Variants in COL4A4 observed in about 807,000 individuals in gnomAD.
The protein encoded by COL4A4 is collagen alpha-4(IV) chain.
Under a neutral mutation model 192.9 loss-of-function variants are expected in COL4A4, and 105 were observed. The observed-to-expected ratio is 0.54, with a 90% CI of 0.46 to 0.64. COL4A4 has a LOEUF of 0.64. Among genes scored for constraint, COL4A4 ranks in the 30% least tolerant of loss-of-function variants. COL4A4 has a pLI of 0.00. For missense variants in COL4A4, 1,967 were observed against 2,169.3 expected, an observed-to-expected ratio of 0.91 and a Z score of 1.85; for synonymous variants, 762 against 769.9, an observed-to-expected ratio of 0.99 and a Z score of 0.17.
chr2:227,013,777 A>G (rs985228727), intron 44 of COL4A4, among the ~76,000 whole-genome samples: 7 of 152,138 alleles, frequency 4.6e-5, no homozygotes, highest in African/African-American at 1.7e-4. Context: ...AGTGGCTTTC[A>G]CTGTTGCTTC....
intron 13 of COL4A4, among the ~76,000 whole-genome samples, 165 bp from the exon 14 acceptor site, chr2:227,103,362 A>G (rs2060633813): frequency 6.6e-6 from 1 of 152,196 alleles, no homozygotes; most frequent in African/African-American, 2.4e-5. Context: ...TAAACCAGAT[A>G]CTATTTGAGC....
In COL4A4 at chr2:227,123,479, G is replaced by A. The variant is rs905230662; in HGVS notation, c.193-2331C>T. On this transcript the variant is annotated intron_variant, in intron 4 of 47. Transcript: ENST00000396625. The surrounding 1 kb of genome is among the most constrained non-coding windows in gnomAD (Gnocchi z 4.6). Reference sequence around the variant, plus strand: ...GAGGTGCAGGTCAGGAACAGAGCGCGACCCACGGAAGTGAAGGCAGCCAAG... The same window carrying A: ...GAGGTGCAGGTCAGGAACAGAGCGCAACCCACGGAAGTGAAGGCAGCCAAG... 1.3e-5 allele frequency among the ~76,000 whole-genome samples: 2 copies of A among 152,168 alleles called. No homozygotes were observed. Among genetic ancestry groups the A allele is most frequent in the Non-Finnish European group, 2.9e-5 (2 of 68,038 alleles).
chr2:227,073,909 T>A (rs2058867441), intron 25 of COL4A4, among the ~76,000 whole-genome samples: 1 of 152,032 alleles, frequency 6.6e-6, no homozygotes, highest in Non-Finnish European at 1.5e-5. Flanking sequence ...TGAAGATGGT[T>A]CAAAGACTTA....
intron 37 of COL4A4, among the ~76,000 whole-genome samples, chr2:227,041,777 AGGAAGGAAGG>A (rs1971030349): frequency 3.1e-5 from 3 of 96,582 alleles, no homozygotes; most frequent in Non-Finnish European, 4.4e-5. Context: ...GAAGGAAGGA[AGGAAGGAAGG>A]GAAAGAAAGA....
At chr2:226,970,390 G>A in the COL4A4 span, among the ~76,000 whole-genome samples, 39 of 152,182 alleles carry the variant, frequency 2.6e-4, no homozygotes, top group African/African-American at 8.2e-4. Flanking sequence ...ACTAAAATAA[G>A]CTTTTTTCCC....
chr2:227,158,357 G>T (rs73088264), intron 1 of COL4A4, among the ~76,000 whole-genome samples: 266 of 152,186 alleles, frequency 1.7e-3, no homozygotes, highest in African/African-American at 5.9e-3. Context: ...GATCATTGAG[G>T]TAAAAGTAAC....
chr2:227,108,993 G>C, intron 10 of COL4A4, 125 bp from the exon 11 acceptor site: 4 of 1,034,626 alleles, frequency 3.9e-6, no homozygotes, highest in Non-Finnish European at 6.1e-6. Flanking sequence ...TGCAGTGATG[G>C]AGTTTCTATC....
At chr2:226,998,517 T>A (rs1005569781), downstream of COL4A4, 2 of 152,162 alleles carry the variant, frequency 1.3e-5, no homozygotes, top group Non-Finnish European at 2.9e-5. Context: ...AGTCAAAAAA[T>A]ATATATATAA....
intron 19 of COL4A4, among the ~76,000 whole-genome samples, chr2:227,095,874 G>C (rs923407349): frequency 3.1e-4 from 47 of 152,114 alleles, no homozygotes; most frequent in African/African-American, 1.1e-3. Flanking sequence ...TTGCACTCTA[G>C]CCTAGGCAAC....
intron 7 of COL4A4, 69 bp downstream of exon 7, chr2:227,118,576 A>T: frequency 8.5e-7 from 1 of 1,180,740 alleles, no homozygotes; most frequent in South Asian, 1.2e-5. Context: ...TCTTGAATAC[A>T]TCAAGCCTGT....
chr2:227,015,684 C>T (rs2149795060), intron 44 of COL4A4, among the ~76,000 whole-genome samples: 1 of 152,280 alleles, frequency 6.6e-6, no homozygotes, highest in South Asian at 2.1e-4. Flanking sequence ...AGCAGAGCAG[C>T]TGGCAGCAAA....
Position 227,123,242 on chromosome 2 carries a change from A to G in COL4A4, c.193-2094T>C, listed in dbSNP as rs1363301290. On this transcript the variant is annotated intron_variant, in intron 4 of 47. Coordinates refer to ENST00000396625, the MANE Select transcript of COL4A4 (RefSeq NM_000092.5). This position sits in a 1 kb window ranked among gnomAD's most constrained non-coding sequence, Gnocchi z 4.6. ...GAGGGAGATGGGGCAGGAGCCCCGTAAAAATAGTGCAAGAACATTCACCAC... is the reference window on the plus strand; with the variant it reads ...GAGGGAGATGGGGCAGGAGCCCCGTGAAAATAGTGCAAGAACATTCACCAC... Among the ~76,000 whole-genome samples, 4 of 152,202 alleles carry G rather than the reference A, an allele frequency of 2.6e-5. No individual in the cohort carries two copies. Among genetic ancestry groups the G allele is most frequent in the African/African-American group, 9.6e-5 (4 of 41,458 alleles).
chr2:226,974,771 G>A, the COL4A4 span, among the ~76,000 whole-genome samples: 2 of 152,022 alleles, frequency 1.3e-5, no homozygotes, highest in South Asian at 4.2e-4. Context: ...GCTGAGAGTC[G>A]TGAACTGTAC....
At position 227,089,856 on chromosome 2, in the gene COL4A4, G is replaced by T. The variant is rs1282181844; in HGVS notation, c.1459+12C>A. The stretch of plus-strand genomic sequence containing the variant: ...TTGTCTTCTAGAAATTCTACCTTTG[G>T]TGCCTACTTGCCTTTTTCTCCTTTT... On this transcript the variant is annotated intron_variant, in intron 21 of 47. Transcript: ENST00000396625. 16 of 1,603,232 alleles carry T rather than the reference G, an allele frequency of 1.0e-5. No homozygotes were observed. Among genetic ancestry groups the T allele is most frequent in the Non-Finnish European group, 1.1e-5 (13 of 1,170,516 alleles).
In COL4A4 at chr2:227,149,080, C is replaced by T. The variant is rs951156319; in HGVS notation, c.-101-1496G>A. On this transcript the variant is annotated intron_variant, in intron 1 of 47. Transcript: ENST00000396625. ...GCCAGGCTGGTCTTGAACTCCTGAC[C>T]TCAGGTGATCAGCCTGCCTCAGCCT... is the stretch of plus-strand genomic sequence containing the variant. 7.9e-5 allele frequency among the ~76,000 whole-genome samples: 12 copies of T among 152,164 alleles called. No individual in the cohort carries two copies. In the East Asian group the frequency reaches 1.4e-3, roughly 17 times the overall value.
At chr2:227,010,846 G>A (rs760413501) in intron 45 of COL4A4, among the ~76,000 whole-genome samples, 3 of 152,196 alleles carry the variant, frequency 2.0e-5, no homozygotes, top group African/African-American at 4.8e-5. Context: ...TATGAAATAC[G>A]CTGGGAAGAA....
chr2:226,983,777 C>A, the COL4A4 span, among the ~76,000 whole-genome samples: 1 of 152,110 alleles, frequency 6.6e-6, no homozygotes, highest in Admixed American at 6.5e-5. Context: ...TGAAAACATT[C>A]CCTTGATCCT....
At chr2:227,155,659 T>C (rs1053561360) in intron 1 of COL4A4, among the ~76,000 whole-genome samples, 1 of 152,148 alleles carries the variant, frequency 6.6e-6, no homozygotes, top group East Asian at 1.9e-4. Context: ...ACAATTCCAC[T>C]AGGCAGGGTC....
At chr2:226,975,793 T>A in the COL4A4 span, among the ~76,000 whole-genome samples, 1 of 152,226 alleles carries the variant, frequency 6.6e-6, no homozygotes, top group African/African-American at 2.4e-5. Flanking sequence ...AACTACAGAT[T>A]ATTTAGAAAA....
Sources: gnomAD v4.1 joint callset for allele counts (sites outside exome capture counted in the v4.1 genomes callset) on GRCh38, gnomAD v4.1.1 for gene constraint, Gnocchi (gnomAD v3.1) non-coding constraint, MANE v1.5 for transcripts, NCBI Gene and HGNC (gene_info 2026-07-23, HGNC 2026-07-21) for gene names.